The following CHST9 variants were observed in gnomAD, a reference collection of about 807,000 sequenced individuals.
CHST9 encodes the protein carbohydrate sulfotransferase 9.
A neutral mutation model predicts 44.4 loss-of-function variants in CHST9; 41 were observed. The ratio of observed to expected loss-of-function variants is 0.92; its 90% CI spans 0.72 to 1.20. CHST9 has a LOEUF of 1.20. Ranked by LOEUF, CHST9 falls within the 50% of genes most tolerant of loss-of-function variation. The pLI, the probability that CHST9 is intolerant of heterozygous loss-of-function variation, is 0.00. For synonymous variants in CHST9, 171 were observed against 178.4 expected (o/e 0.96, Z 0.33); for missense variants, 504 against 516.5 (o/e 0.98, Z 0.23).
chr18:26,991,280 C>T (rs1786612), intron 4 of CHST9, among the ~76,000 whole-genome samples: 57,081 of 151,690 alleles, frequency 0.38, 11,056 homozygotes, highest in East Asian at 0.47. Context: ...AATTCTCTAA[C>T]GGATTAGATA....
At chr18:27,052,480 A>G (rs573729531) in intron 2 of CHST9, among the ~76,000 whole-genome samples, 1 of 152,060 alleles carries the variant, frequency 6.6e-6, no homozygotes, top group Non-Finnish European at 1.5e-5. Context: ...TTCCTTCTTT[A>G]GTATCTTTAT....
intron 1 of CHST9, among the ~76,000 whole-genome samples, chr18:27,178,865 T>C (rs1470919541): frequency 6.6e-6 from 1 of 152,050 alleles, no homozygotes; most frequent in Non-Finnish European, 1.5e-5. Flanking sequence ...ATAAGCATAC[T>C]TCATAGCACG....
intron 2 of CHST9, among the ~76,000 whole-genome samples, chr18:27,136,712 C>T (rs1019067992): frequency 1.3e-5 from 2 of 152,106 alleles, no homozygotes; most frequent in African/African-American, 4.8e-5. Context: ...TTCTTGTCTA[C>T]AAAAAGCTTT....
At chr18:27,095,114 G>A (rs552661969) in intron 2 of CHST9, among the ~76,000 whole-genome samples, 25 of 152,092 alleles carry the variant, frequency 1.6e-4, no homozygotes, top group African/African-American at 5.1e-4. Context: ...TTTCCAGGAC[G>A]TATAAAATGT....
chr18:27,093,276 C>T (rs919722169), intron 2 of CHST9, among the ~76,000 whole-genome samples: 2 of 152,240 alleles, frequency 1.3e-5, no homozygotes, highest in African/African-American at 4.8e-5. Flanking sequence ...CTGCCCTCTT[C>T]AGAGCTGTCA....
At chr18:26,971,086 C>T (rs148206363) in intron 4 of CHST9, among the ~76,000 whole-genome samples, 34 of 152,272 alleles carry the variant, frequency 2.2e-4, no homozygotes, top group African/African-American at 7.2e-4. Context: ...GTATCACCCA[C>T]TACTACACAG....
At position 26,975,721 on chromosome 18, in the gene CHST9, GTGTGTA is replaced by G. The variant is rs1400276944; in HGVS notation, c.203-31361_203-31356del. On this transcript the variant is annotated intron_variant, in intron 4 of 5. Transcript: ENST00000618847. The stretch of plus-strand genomic sequence containing the variant: ...TATATGTGTATATATGTGTGTGTGT[GTGTGTA>G]TATATATATATATATATATATATAT... 1.3e-4 allele frequency among the ~76,000 whole-genome samples: 10 copies of G among 77,024 alleles called. No homozygotes were observed. In the Admixed American group the frequency reaches 1.7e-3, roughly 13 times the overall value. 50.5% of individuals were successfully genotyped at this position (77,024 alleles called of 152,430 possible). A position where few individuals can be genotyped will look rare whatever the true frequency, so the allele number is the denominator to read the frequency against.
intron 2 of CHST9, among the ~76,000 whole-genome samples, chr18:27,137,039 T>G (rs1047506731): frequency 5.3e-5 from 8 of 152,100 alleles, no homozygotes; most frequent in Non-Finnish European, 1.2e-4. Context: ...TACATATGAG[T>G]ATTTCTAACA....
intron 4 of CHST9, among the ~76,000 whole-genome samples, chr18:26,946,477 C>A (rs557521460): frequency 1.3e-5 from 2 of 152,250 alleles, no homozygotes; most frequent in South Asian, 4.1e-4. Flanking sequence ...GGAAACCCTG[C>A]AAAGAAGTCA....
At chr18:27,102,345 G>A (rs1480861925) in intron 2 of CHST9, among the ~76,000 whole-genome samples, 1 of 152,134 alleles carries the variant, frequency 6.6e-6, no homozygotes, top group African/African-American at 2.4e-5. Context: ...TGATGGCCAT[G>A]GCAAAATTTA....
At chr18:27,005,488 T>G (rs2145234433) in intron 4 of CHST9, among the ~76,000 whole-genome samples, 1 of 152,296 alleles carries the variant, frequency 6.6e-6, no homozygotes, top group African/African-American at 2.4e-5. Context: ...TTAGATTCTC[T>G]TTAGATCCTG....
At chr18:27,131,890 T>C (rs948759351) in intron 2 of CHST9, among the ~76,000 whole-genome samples, 6 of 152,262 alleles carry the variant, frequency 3.9e-5, no homozygotes, top group African/African-American at 1.4e-4. Context: ...AATTGTAAGT[T>C]AAAGAATCTT....
chr18:26,981,964 C>G (rs391312), intron 4 of CHST9, among the ~76,000 whole-genome samples: 1 of 152,306 alleles, frequency 6.6e-6, no homozygotes, highest in East Asian at 1.9e-4. Context: ...CCATCCTCCC[C>G]TTCCCACTTC....
chr18:26,997,252 C>T (rs930217460), intron 4 of CHST9, among the ~76,000 whole-genome samples: 2 of 152,162 alleles, frequency 1.3e-5, no homozygotes, highest in Non-Finnish European at 2.9e-5. Flanking sequence ...ATAAGTAATT[C>T]TCCAGCATAT....
intron 3 of CHST9, among the ~76,000 whole-genome samples, chr18:27,045,973 A>G (rs922345665): frequency 1.3e-5 from 2 of 152,108 alleles, no homozygotes; most frequent in Non-Finnish European, 2.9e-5. Context: ...ACTCAGTTAT[A>G]TAATGAAATG....
chr18:26,952,221 A>T, intron 4 of CHST9: 1 of 527,264 alleles, frequency 1.9e-6, no homozygotes, highest in Non-Finnish European at 3.8e-6. Flanking sequence ...GGACCAAACA[A>T]GGCTCCCCGG....
chr18:26,916,936 C>A lies in CHST9; in HGVS notation c.655G>T (p.Val219Leu). Residue 219 changes from valine (V) to leucine (L), a missense_variant, in exon 6 of 6, where the codon GTA becomes TTA. Coordinates refer to ENST00000618847, the MANE Select transcript of CHST9 (RefSeq NM_031422.6). ...CAATTGGAACAGCCAGCCTTAGGTA[C>A]CTCACAATATAAGATTTTGTGTTTA... ...EDKHKILYCE[V>L]PKAGCSNWKR... The A allele has an allele frequency of 6.2e-7, 1 of 1,613,808 alleles. No individual in the cohort carries two copies. The highest frequency in any genetic ancestry group is 1.3e-5 in the African/African-American group (1 of 75,012).
chr18:27,010,900 G>A (rs914050625), intron 4 of CHST9, among the ~76,000 whole-genome samples: 14 of 150,252 alleles, frequency 9.3e-5, no homozygotes, highest in African/African-American at 3.4e-4. Flanking sequence ...GGTGGGGAAA[G>A]GAAAGAGAGG....
chr18:27,142,688 C>T lies in CHST9; in HGVS notation c.121+1G>A. 6.3e-7 allele frequency: 1 copy of T among 1,596,262 alleles called. No individual in the cohort carries two copies. The highest frequency in any genetic ancestry group is 1.3e-5 in the African/African-American group (1 of 74,366). ...AATAGAAGAAAAAGCACATGTGTTA[C>T]CTGTATGTTGTTCTTCAATCCAGAC... On this transcript the variant is annotated splice_donor_variant, in intron 2 of 5. Coordinates refer to ENST00000618847, the MANE Select transcript of CHST9 (RefSeq NM_031422.6). LOFTEE classifies it high-confidence loss of function.
Sources: gnomAD v4.1 joint callset for allele counts (sites outside exome capture counted in the v4.1 genomes callset) on GRCh38, gnomAD v4.1.1 for gene constraint, MANE v1.5 for transcripts, NCBI Gene and HGNC (gene_info 2026-07-23, HGNC 2026-07-21) for gene names.